USP24: variants seen among roughly 807,000 people sequenced by gnomAD.
USP24 encodes the protein ubiquitin specific peptidase 24.
In USP24, 97 loss-of-function variants were observed where a neutral mutation model predicts 361.6. That is an observed-to-expected ratio of 0.27 (90% CI 0.23 to 0.32). The LOEUF (loss-of-function observed/expected upper bound fraction) is 0.32, where lower values mean the gene tolerates loss of function less well. Ranked by LOEUF, USP24 falls within the 10% of genes least tolerant of loss-of-function variation. The pLI is 1.00. For synonymous variants in USP24, 1,098 were observed against 1,124.6 expected, an observed-to-expected ratio of 0.98 and a Z score of 0.47; for missense variants, 2,353 against 3,165.6, an observed-to-expected ratio of 0.74 and a Z score of 6.16.
intron 31 of USP24, among the ~76,000 whole-genome samples, chr1:55,131,824 G>T (rs1054055396): frequency 6.6e-6 from 1 of 152,160 alleles, no homozygotes; most frequent in African/African-American, 2.4e-5. Flanking sequence ...ATTCTTTAGT[G>T]CCTGGATATA....
chr1:55,108,434 G>A (rs1390722962), intron 39 of USP24, among the ~76,000 whole-genome samples: 1 of 152,174 alleles, frequency 6.6e-6, no homozygotes, highest in Non-Finnish European at 1.5e-5. Context: ...GTCAGTCAGA[G>A]CTGGACTGGG....
intron 38 of USP24, among the ~76,000 whole-genome samples, chr1:55,118,912 G>C (rs1264824988): frequency 6.6e-6 from 1 of 152,164 alleles, no homozygotes; most frequent in Non-Finnish European, 1.5e-5. Flanking sequence ...AAAAATCCTA[G>C]AAAACAACAA....
At chr1:55,109,752 G>A (rs898305958) in intron 39 of USP24, among the ~76,000 whole-genome samples, 13 of 152,078 alleles carry the variant, frequency 8.5e-5, no homozygotes, top group African/African-American at 3.1e-4. Context: ...TAAAATCTCA[G>A]CACACTAACA....
At chr1:55,082,574 C>T (rs1645172220) in intron 58 of USP24, among the ~76,000 whole-genome samples, 1 of 152,154 alleles carries the variant, frequency 6.6e-6, no homozygotes, top group African/African-American at 2.4e-5. Flanking sequence ...ATCACTTGAG[C>T]CCAGGAGTTT....
At chr1:55,167,401 C>T (rs1336303111) in intron 5 of USP24, among the ~76,000 whole-genome samples, 3 of 152,150 alleles carry the variant, frequency 2.0e-5, no homozygotes, top group African/African-American at 4.8e-5. Context: ...TTAAAAAACT[C>T]TCCCAGCTGG....
At chr1:55,201,331 C>T (rs1220755382) in intron 1 of USP24, among the ~76,000 whole-genome samples, 3 of 151,954 alleles carry the variant, frequency 2.0e-5, no homozygotes, top group Non-Finnish European at 4.4e-5. Flanking sequence ...TTAGGCTGGG[C>T]GCAGTGGCTC....
chr1:55,163,345 C>T (rs1648492206), intron 7 of USP24, among the ~76,000 whole-genome samples: 1 of 151,776 alleles, frequency 6.6e-6, no homozygotes, highest in Admixed American at 6.6e-5. Flanking sequence ...AAGCAAAATA[C>T]TAGGAGAAAA....
chr1:55,214,972 G>T lies in USP24; in HGVS notation c.142C>A (p.Leu48Ile). The T allele has an allele frequency of 6.9e-7, 1 of 1,440,074 alleles. No homozygotes were observed. The allele number at this position is 1,440,074 out of a possible 1,614,324, so 89.2% of individuals were successfully genotyped here. ...ATGGGCTCGTAGCCGCCGTAGTCGA[G>T]GCCCGGCCGCTCGTTGGTGAGCAGT... ...VALLTNERPG[L>I]DYGGYEPMDS... is the part of the protein sequence containing the mutation. The change falls in exon 1 of 68, where the codon CTC becomes ATC. Residue 48 changes from leucine to isoleucine, a missense_variant. Around this residue, in one of 8 missense-constraint regions of USP24, gnomAD observed 253 missense variants for 255.3 expected, o/e 0.99. Transcript: ENST00000294383.
chr1:55,101,104 T>A lies in USP24; in HGVS notation c.5146-140A>T, dbSNP rs1645623221. 5 of 1,027,916 alleles carry A rather than the reference T, an allele frequency of 4.9e-6. No homozygotes were observed. In the African/African-American group the frequency reaches 8.2e-5, roughly 17 times the overall value. 63.7% of individuals were successfully genotyped at this position (1,027,916 alleles called of 1,614,324 possible). A position where few individuals can be genotyped will look rare whatever the true frequency, so the allele number is the denominator to read the frequency against. On this transcript the variant is annotated intron_variant, in intron 43 of 67. Coordinates refer to ENST00000294383, the MANE Select transcript of USP24 (RefSeq NM_015306.3). ...GACATGGCTATAATGCTGCAGATAT[T>A]TAACTTTAATAATTCCTAGCTGGTG...
intron 31 of USP24, among the ~76,000 whole-genome samples, chr1:55,130,086 G>A (rs1033544853): frequency 2.0e-5 from 3 of 152,190 alleles, no homozygotes; most frequent in Non-Finnish European, 2.9e-5. Flanking sequence ...CCAAGGTCAC[G>A]TGGTTAGAAT....
intron 26 of USP24, 45 bp downstream of exon 26, chr1:55,138,563 A>C (rs1646800798): frequency 7.1e-7 from 1 of 1,402,342 alleles, no homozygotes; most frequent in East Asian, 2.3e-5. Context: ...TTATGAAAAT[A>C]ATAAGACAAC....
At chr1:55,204,850 A>G (rs1227128551) in intron 1 of USP24, among the ~76,000 whole-genome samples, 1 of 152,236 alleles carries the variant, frequency 6.6e-6, no homozygotes, top group Non-Finnish European at 1.5e-5. Context: ...CATTTTCAGT[A>G]TAATGCCTAT....
intron 28 of USP24, among the ~76,000 whole-genome samples, chr1:55,136,403 C>T (rs1324938194): frequency 1.3e-5 from 2 of 152,106 alleles, no homozygotes; most frequent in Admixed American, 6.5e-5. Context: ...GGCTCTTATT[C>T]TGAGTGAGAC....
chr1:55,207,839 C>G (rs745717993), intron 1 of USP24, among the ~76,000 whole-genome samples: 31 of 152,158 alleles, frequency 2.0e-4, no homozygotes, highest in Non-Finnish European at 2.4e-4. Context: ...ATGAATTTTG[C>G]AATACAAATA....
chr1:55,144,829 G>A (rs1479048706), intron 20 of USP24, among the ~76,000 whole-genome samples: 1 of 152,134 alleles, frequency 6.6e-6, no homozygotes, highest in Non-Finnish European at 1.5e-5. Context: ...AGCTACTCGG[G>A]AAGCTGAGGC....
intron 54 of USP24, among the ~76,000 whole-genome samples, chr1:55,091,713 CT>C (rs2100470203): frequency 6.6e-6 from 1 of 152,302 alleles, no homozygotes; most frequent in East Asian, 1.9e-4. Flanking sequence ...TCTGTTTTGC[CT>C]TTCGAAACCC....
chr1:55,110,283 C>G (rs1384793012), intron 38 of USP24, 37 bp from the exon 39 acceptor site: 2 of 1,460,352 alleles, frequency 1.4e-6, no homozygotes, highest in Non-Finnish European at 1.8e-6. Context: ...TAATAAGAGG[C>G]TGATTTGAAA....
At chr1:55,090,470 C>T (rs1645349384) in intron 54 of USP24, among the ~76,000 whole-genome samples, 1 of 152,194 alleles carries the variant, frequency 6.6e-6, no homozygotes, top group South Asian at 2.1e-4. Context: ...AGACTGAGAT[C>T]ACTTAATATA....
chr1:55,158,413 A>T (rs1371982287), intron 10 of USP24, among the ~76,000 whole-genome samples: 1 of 152,242 alleles, frequency 6.6e-6, no homozygotes, highest in East Asian at 1.9e-4. Flanking sequence ...GTCACACACC[A>T]AAACCAACTG....
Sources: allele counts gnomAD v4.1 joint callset (sites outside exome capture counted in the v4.1 genomes callset), GRCh38; gene constraint gnomAD v4.1.1; regional missense constraint gnomAD v4.1.1; transcripts MANE v1.5; gene names NCBI Gene and HGNC (gene_info 2026-07-23, HGNC 2026-07-21).